Variants in ARPC1B observed in about 807,000 individuals in gnomAD.
The protein encoded by ARPC1B is actin related protein 2/3 complex subunit 1B.
ARPC1B carries 29 observed loss-of-function variants against 46.0 expected under a neutral mutation model. The ratio of observed to expected loss-of-function variants is 0.63; its 90% CI spans 0.47 to 0.86. The LOEUF is 0.86. ARPC1B is among the 40% of genes least tolerant of loss of function. The pLI is 0.00. For synonymous variants in ARPC1B, 201 were observed against 213.9 expected, an observed-to-expected ratio of 0.94 and a Z score of 0.53; for missense variants, 469 against 529.4, an observed-to-expected ratio of 0.89 and a Z score of 1.12.
chr7:99,380,125 G>C (rs1170272968), intron 1 of ARPC1B, among the ~76,000 whole-genome samples: 1 of 152,216 alleles, frequency 6.6e-6, no homozygotes, highest in Admixed American at 6.5e-5. Context: ...ATCCAGAGCA[G>C]GGTAATTGGC....
intron 5 of ARPC1B, among the ~76,000 whole-genome samples, chr7:99,390,237 G>C (rs1211472016): frequency 6.6e-6 from 1 of 152,104 alleles, no homozygotes; most frequent in African/African-American, 2.4e-5. Context: ...TTTGAGCTAG[G>C]GGCTTGCTCT....
rs573544884 is a variant in ARPC1B, at chr7:99,390,928, G to A, written c.536G>A (p.Arg179Gln). The change falls in exon 6 of 10, where the codon CGG becomes CAG. Residue 179 changes from arginine to glutamine, a missense_variant. Coordinates refer to ENST00000646101, the MANE Select transcript of ARPC1B (RefSeq NM_005720.4). ...GCCTACATCAAGGAGGTGGAGGAAC[G>A]GCCGGCACCCACCCCGTGGGGCTCC... ...FSAYIKEVEE[R>Q]PAPTPWGSKM... is the part of the protein sequence containing the mutation. 3.1e-6 allele frequency: 5 copies of A among 1,612,314 alleles called. No homozygotes were observed. Among genetic ancestry groups the A allele is most frequent in the East Asian group, 4.5e-5 (2 of 44,806 alleles).
At chr7:99,385,979 G>A (rs549098265) in intron 2 of ARPC1B, among the ~76,000 whole-genome samples, 14 of 152,178 alleles carry the variant, frequency 9.2e-5, no homozygotes, top group Non-Finnish European at 2.1e-4. Context: ...GGCCAGTTGC[G>A]GTAGCTCATG....
At chr7:99,392,900 G>C (rs536088130) in intron 8 of ARPC1B, 24 bp downstream of exon 8, 17 of 1,520,646 alleles carry the variant, frequency 1.1e-5, no homozygotes, top group Non-Finnish European at 1.4e-5. Flanking sequence ...CCGGGCCGGC[G>C]GGTGGGCGGG....
intron 1 of ARPC1B, among the ~76,000 whole-genome samples, chr7:99,380,653 C>T (rs1236542117): frequency 6.6e-6 from 1 of 152,128 alleles, no homozygotes; most frequent in Non-Finnish European, 1.5e-5. Flanking sequence ...CACTGGCACA[C>T]GTGGGGGTTG....
At chr7:99,386,276 GAA>G (rs1794388952) in intron 2 of ARPC1B, 3 of 360,450 alleles carry the variant, frequency 8.3e-6, no homozygotes, top group African/African-American at 4.3e-5. Flanking sequence ...GAGAAAGAAA[GAA>G]AGAAAAAGTG....
chr7:99,385,463 C>A (rs982552984), intron 1 of ARPC1B, among the ~76,000 whole-genome samples: 8 of 152,148 alleles, frequency 5.3e-5, no homozygotes, highest in Non-Finnish European at 1.0e-4. Flanking sequence ...TCAGAGACAT[C>A]CTGTGAAAGC....
chr7:99,386,860 C>A, intron 3 of ARPC1B, 71 bp downstream of exon 3: 2 of 1,126,656 alleles, frequency 1.8e-6, no homozygotes, highest in Non-Finnish European at 2.6e-6. Flanking sequence ...CAAGGCAGGG[C>A]ATGGCCACTC....
Position 99,390,910 on chromosome 7 carries a change from T to C in ARPC1B, c.518T>C (p.Ile173Thr). ...DFKCRIFSAY[I>T]KEVEERPAPT... ...CCCGGTAGGATCTTTTCAGCCTACA[T>C]CAAGGAGGTGGAGGAACGGCCGGCA... Residue 173 changes from isoleucine to threonine, a missense_variant, in exon 6 of 10, where the codon ATC becomes ACC. Ile to Thr is a moderately conservative substitution (Grantham distance 89). Coordinates refer to ENST00000646101, the MANE Select transcript of ARPC1B (RefSeq NM_005720.4). The C allele has an allele frequency of 6.2e-7, 1 of 1,609,898 alleles. No homozygotes were observed. The highest frequency in any genetic ancestry group is 8.5e-7 in the Non-Finnish European group (1 of 1,177,070).
Position 99,392,851 on chromosome 7 carries a change from G to A in ARPC1B, c.964G>A (p.Asp322Asn), listed in dbSNP as rs2150898068. 2 of 1,547,766 alleles carry A rather than the reference G, an allele frequency of 1.3e-6. No individual in the cohort carries two copies. The highest frequency in any genetic ancestry group is 4.9e-5 in the East Asian group (2 of 40,840). The change falls in exon 8 of 10, where the codon GAC becomes AAC. Residue 322 changes from aspartate (D) to asparagine (N), a missense_variant. Asp to Asn is a conservative substitution (Grantham distance 23, BLOSUM62 1). Transcript: ENST00000646101. ...EGGTAAGAGL[D>N]SLHKNSVSQI... Reference sequence around the variant, plus strand: ...TGGCACGGCTGCGGGCGCGGGCCTAGACTCGCTGCACAAGAACAGCGTCAG... The same window carrying A: ...TGGCACGGCTGCGGGCGCGGGCCTAAACTCGCTGCACAAGAACAGCGTCAG...
chr7:99,375,774 A>T (rs1794017724), intron 1 of ARPC1B, among the ~76,000 whole-genome samples: 1 of 152,044 alleles, frequency 6.6e-6, no homozygotes, highest in African/African-American at 2.4e-5. Flanking sequence ...ATAAATAAAT[A>T]AAATGTAGCC....
At chr7:99,386,096 C>A (rs1473232549) in intron 2 of ARPC1B, among the ~76,000 whole-genome samples, 1 of 151,878 alleles carries the variant, frequency 6.6e-6, no homozygotes, top group African/African-American at 2.4e-5. Flanking sequence ...ACTAAAAATA[C>A]AAAAATTACC....
At chr7:99,390,086 C>A in intron 5 of ARPC1B, 74 bp downstream of exon 5, 1 of 1,355,186 alleles carries the variant, frequency 7.4e-7, no homozygotes, top group South Asian at 1.2e-5. Context: ...GGAGCCGCAC[C>A]TGAAAGCTCT....
At chr7:99,390,136 T>C in intron 5 of ARPC1B, 124 bp downstream of exon 5, 1 of 817,738 alleles carries the variant, frequency 1.2e-6, no homozygotes, top group East Asian at 2.7e-5. Context: ...CTGCTACCAG[T>C]GGATGACCTG....
chr7:99,381,112 A>G (rs1243923206), intron 1 of ARPC1B, among the ~76,000 whole-genome samples: 1 of 152,208 alleles, frequency 6.6e-6, no homozygotes, highest in African/African-American at 2.4e-5. Context: ...AGACCTGCTG[A>G]CATGGCTGAG....
Position 99,382,940 on chromosome 7 carries a change from G to A in ARPC1B, c.-13-2762G>A, listed in dbSNP as rs193178728. 1.1e-3 allele frequency among the ~76,000 whole-genome samples: 162 copies of A among 149,502 alleles called. 1 individual carries two copies. The highest frequency in any genetic ancestry group is 3.8e-3 in the African/African-American group (152 of 40,454). On this transcript the variant is annotated intron_variant, in intron 1 of 9. Transcript: ENST00000646101. Reference sequence around the variant, plus strand: ...GCTCACTGCGACCTCTGCCTCTCAGGTTCAACAGATTCTCCTGCTTCAGCC... The same window carrying A: ...GCTCACTGCGACCTCTGCCTCTCAGATTCAACAGATTCTCCTGCTTCAGCC...
chr7:99,380,097 G>C (rs547839872), intron 1 of ARPC1B, among the ~76,000 whole-genome samples: 2 of 152,274 alleles, frequency 1.3e-5, no homozygotes, highest in South Asian at 4.1e-4. Flanking sequence ...AGCAGCCCTC[G>C]TATTTTTCTC....
chr7:99,388,621 C>T (rs1794475292), intron 4 of ARPC1B: 1 of 189,998 alleles, frequency 5.3e-6, no homozygotes, highest in South Asian at 1.4e-4. Flanking sequence ...CTCACGAGCT[C>T]GCAGCCACAT....
intron 1 of ARPC1B, among the ~76,000 whole-genome samples, chr7:99,376,802 G>A (rs1027888678): frequency 2.0e-5 from 3 of 151,658 alleles, no homozygotes; most frequent in Admixed American, 6.6e-5. Flanking sequence ...CCTGGGAGGC[G>A]GAGGTTGCGG....
Sources: gnomAD v4.1 joint callset for allele counts (sites outside exome capture counted in the v4.1 genomes callset) on GRCh38, gnomAD v4.1.1 for gene constraint, MANE v1.5 for transcripts, NCBI Gene and HGNC (gene_info 2026-07-23, HGNC 2026-07-21) for gene names.